DDR2: variants seen among roughly 807,000 people sequenced by gnomAD.
DDR2 encodes the protein discoidin domain receptor tyrosine kinase 2, also known as discoidin domain-containing receptor 2.
DDR2 carries 27 observed loss-of-function variants against 94.9 expected under a neutral mutation model. The observed-to-expected ratio is 0.28, with a 90% CI of 0.21 to 0.39. The LOEUF (loss-of-function observed/expected upper bound fraction) is 0.39, where lower values mean the gene tolerates loss of function less well. Ranked by LOEUF, DDR2 falls within the 10% of genes least tolerant of loss-of-function variation. The pLI is 1.00. For synonymous variants in DDR2, 382 were observed against 377.2 expected, an observed-to-expected ratio of 1.01 and a Z score of -0.15; for missense variants, 783 against 1,076.0, an observed-to-expected ratio of 0.73 and a Z score of 3.81.
chr1:162,769,832 T>A (rs1342622357), intron 11 of DDR2, among the ~76,000 whole-genome samples: 1 of 152,208 alleles, frequency 6.6e-6, no homozygotes, highest in Non-Finnish European at 1.5e-5. Context: ...GGTATTATCC[T>A]AATCTAGGGT....
intron 3 of DDR2, among the ~76,000 whole-genome samples, chr1:162,723,074 C>A (rs571902625): frequency 2.0e-5 from 3 of 152,172 alleles, no homozygotes; most frequent in South Asian, 2.1e-4. Context: ...TGCTTAGTGG[C>A]AGGTGAATGC....
At chr1:162,680,138 A>C (rs973274615) in intron 2 of DDR2, among the ~76,000 whole-genome samples, 1 of 152,010 alleles carries the variant, frequency 6.6e-6, no homozygotes, top group Admixed American at 6.6e-5. Context: ...CTTTTTAATT[A>C]GTTCTCATTG....
chr1:162,696,443 G>C (rs1187178410), intron 2 of DDR2, among the ~76,000 whole-genome samples: 1 of 151,732 alleles, frequency 6.6e-6, no homozygotes, highest in Non-Finnish European at 1.5e-5. Flanking sequence ...CTCTGGCTGA[G>C]GGTGTGTTTG....
chr1:162,650,289 T>TAA (rs66715052), intron 1 of DDR2, among the ~76,000 whole-genome samples: 41 of 143,966 alleles, frequency 2.8e-4, no homozygotes, highest in East Asian at 1.9e-3. Context: ...TCCTCCACGT[T>TAA]AAAAAAAAAA....
intron 2 of DDR2, among the ~76,000 whole-genome samples, chr1:162,678,395 G>A (rs946525474): frequency 6.6e-6 from 1 of 152,234 alleles, no homozygotes; most frequent in Non-Finnish European, 1.5e-5. Flanking sequence ...GTTAAAATGA[G>A]CTGTTATTAA....
intron 3 of DDR2, among the ~76,000 whole-genome samples, chr1:162,750,278 C>A (rs7366668): frequency 1 from 152,075 of 152,314 alleles, 75,919 homozygotes; most frequent in Middle Eastern, 1. Flanking sequence ...TTAAGCTGAT[C>A]AGCAACTTCA....
At chr1:162,703,226 T>C (rs1165158869) in intron 2 of DDR2, among the ~76,000 whole-genome samples, 3 of 152,216 alleles carry the variant, frequency 2.0e-5, no homozygotes, top group Admixed American at 6.5e-5. Flanking sequence ...AGTGAGTTTA[T>C]AATGAGATAA....
chr1:162,772,472 A>G (rs941540786), intron 13 of DDR2: 3 of 559,902 alleles, frequency 5.4e-6, no homozygotes, highest in Non-Finnish European at 9.6e-6. Flanking sequence ...TTTTTAAGGC[A>G]GGCAAGTCAC....
At chr1:162,661,013 C>G (rs1368021745) in intron 2 of DDR2, among the ~76,000 whole-genome samples, 1 of 152,202 alleles carries the variant, frequency 6.6e-6, no homozygotes, top group Non-Finnish European at 1.5e-5. Flanking sequence ...TAGCTATACT[C>G]TCTTGCCCCA....
At chr1:162,696,998 C>T (rs1660224262) in intron 2 of DDR2, among the ~76,000 whole-genome samples, 1 of 152,066 alleles carries the variant, frequency 6.6e-6, no homozygotes, top group Non-Finnish European at 1.5e-5. Context: ...TCTCCGTGGG[C>T]CTCCATGCCT....
chr1:162,677,829 A>G (rs1165991759), intron 2 of DDR2, among the ~76,000 whole-genome samples: 1 of 152,238 alleles, frequency 6.6e-6, no homozygotes, highest in Non-Finnish European at 1.5e-5. Flanking sequence ...CTGGATATGA[A>G]TGTAACTCCC....
chr1:162,654,217 C>T (rs1274334147), intron 1 of DDR2, among the ~76,000 whole-genome samples: 4 of 152,066 alleles, frequency 2.6e-5, no homozygotes, highest in Non-Finnish European at 4.4e-5. Flanking sequence ...GTGGGAGGAT[C>T]GCTTGATTGC....
intron 3 of DDR2, among the ~76,000 whole-genome samples, chr1:162,729,736 T>A (rs919939440): frequency 1.1e-4 from 17 of 151,044 alleles, no homozygotes; most frequent in South Asian, 4.2e-4. Flanking sequence ...TTATTTATTT[T>A]TATTTATATT....
At chr1:162,665,969 T>C (rs867405277) in intron 2 of DDR2, among the ~76,000 whole-genome samples, 101 of 152,316 alleles carry the variant, frequency 6.6e-4, no homozygotes, top group African/African-American at 2.0e-3. Flanking sequence ...CCAGAGCCCT[T>C]TTCTTCCTTC....
At chr1:162,695,203 G>A (rs1660133350) in intron 2 of DDR2, among the ~76,000 whole-genome samples, 1 of 152,104 alleles carries the variant, frequency 6.6e-6, no homozygotes, top group African/African-American at 2.4e-5. Flanking sequence ...TGGGAAAGCT[G>A]GTGAGACAAG....
Position 162,747,173 on chromosome 1 carries a change from A to G in DDR2, c.83-5922A>G, listed in dbSNP as rs114515558. 9.5e-3 allele frequency among the ~76,000 whole-genome samples: 1,447 copies of G among 152,336 alleles called. 22 individuals are homozygous for G. The highest frequency in any genetic ancestry group is 0.033 in the African/African-American group (1,382 of 41,584). On this transcript the variant is annotated intron_variant, in intron 3 of 17. Transcript: ENST00000367921. ...AGGATGGACGGAGAATGACTTTGAC[A>G]AGATGACAGAAGTAGGCTTAAAAAT...
intron 2 of DDR2, among the ~76,000 whole-genome samples, chr1:162,703,238 C>T (rs574248697): frequency 1.2e-4 from 19 of 152,094 alleles, no homozygotes; most frequent in Admixed American, 4.6e-4. Flanking sequence ...ATGAGATAAA[C>T]GTATTATATT....
At chr1:162,764,718 T>C (rs750167374) in intron 9 of DDR2, among the ~76,000 whole-genome samples, 74 of 151,756 alleles carry the variant, frequency 4.9e-4, no homozygotes, top group Admixed American at 3.3e-4. Flanking sequence ...TCCCAGCTAC[T>C]TGGGAGGCTG....
intron 2 of DDR2, among the ~76,000 whole-genome samples, chr1:162,670,323 G>A (rs1318469196): frequency 6.6e-6 from 1 of 152,166 alleles, no homozygotes; most frequent in Non-Finnish European, 1.5e-5. Flanking sequence ...GGCCAGGCTG[G>A]TCTGGAACTC....
Sources: gnomAD v4.1 joint callset for allele counts (sites outside exome capture counted in the v4.1 genomes callset) on GRCh38, gnomAD v4.1.1 for gene constraint, MANE v1.5 for transcripts, NCBI Gene and HGNC (gene_info 2026-07-23, HGNC 2026-07-21) for gene names.